Variants in SCN1A observed in about 807,000 individuals in gnomAD.
The protein encoded by SCN1A is sodium voltage-gated channel alpha subunit 1.
A neutral mutation model predicts 193.7 loss-of-function variants in SCN1A; 13 were observed. That is an observed-to-expected ratio of 0.07 (90% CI 0.04 to 0.11). The LOEUF is 0.11. SCN1A is among the 10% of genes least tolerant of loss of function. The pLI is 1.00. For synonymous variants in SCN1A, 781 were observed against 843.6 expected (o/e 0.93, Z 1.29); for missense variants, 1,432 against 2,451.1 (o/e 0.58, Z 8.78).
At chr2:166,125,447 C>T (rs887885057) in intron 2 of SCN1A, among the ~76,000 whole-genome samples, 6 of 152,178 alleles carry the variant, frequency 3.9e-5, no homozygotes, top group African/African-American at 1.2e-4. Flanking sequence ...CTGTCAGGCT[C>T]ACACCGACAT....
intron 2 of SCN1A, among the ~76,000 whole-genome samples, chr2:166,105,129 T>C (rs1379528870): frequency 1.3e-5 from 2 of 152,244 alleles, no homozygotes; most frequent in African/African-American, 4.8e-5. Flanking sequence ...TTGCTTGCTG[T>C]ACCTGGACCT....
intron 6 of SCN1A, among the ~76,000 whole-genome samples, chr2:166,056,132 T>C (rs1699104784): frequency 6.6e-6 from 1 of 152,048 alleles, no homozygotes; most frequent in African/African-American, 2.4e-5. Context: ...GCAATTGCTT[T>C]GACCACATTT....
chr2:165,986,949 A>G lies in SCN1A; in HGVS notation c.*4296T>C, dbSNP rs1210710785. The G allele has an allele frequency of 1.3e-5, 2 of 152,144 alleles. No homozygotes were observed. Among genetic ancestry groups the G allele is most frequent in the Admixed American group, 6.5e-5 (1 of 15,272 alleles). 9.4% of individuals were successfully genotyped at this position (152,144 alleles called of 1,614,324 possible). On this transcript the variant is annotated 3_prime_UTR_variant, in exon 29 of 29. Transcript: ENST00000674923. ...CAAAATTAGGAAAATTAACACTATT[A>G]TAATACTAATAACTAATAAACAGTC...
In SCN1A at chr2:165,996,038, G is replaced by A. The variant is rs372425457; in HGVS notation, c.4556C>T (p.Pro1519Leu). ...NAMKKLGSKK[P>L]QKPIPRPGNK... Reference sequence around the variant, plus strand: ...TCCTGGTCGAGGTATAGGCTTTTGCGGTTTTTTCGATCCTAATTTTTTCAT... The same window carrying A: ...TCCTGGTCGAGGTATAGGCTTTTGCAGTTTTTTCGATCCTAATTTTTTCAT... Residue 1519 changes from proline (P) to leucine (L), a missense_variant, in exon 27 of 29, where the codon CCG becomes CTG. Pro to Leu is a moderately conservative substitution (Grantham distance 98, BLOSUM62 -3). Transcript: ENST00000674923. 2.9e-5 allele frequency: 46 copies of A among 1,607,844 alleles called. No individual in the cohort carries two copies. In the Admixed American group the frequency reaches 5.9e-4, roughly 20 times the overall value.
chr2:166,028,510 C>A (rs1338851828), intron 19 of SCN1A, among the ~76,000 whole-genome samples: 1 of 152,100 alleles, frequency 6.6e-6, no homozygotes, highest in African/African-American at 2.4e-5. Flanking sequence ...ATCAGAGAAA[C>A]TTGAGTTTGA....
At chr2:166,043,129 T>C (rs1220301439) in intron 14 of SCN1A, among the ~76,000 whole-genome samples, 2 of 152,236 alleles carry the variant, frequency 1.3e-5, no homozygotes, top group Non-Finnish European at 2.9e-5. Context: ...TTTATCTGTC[T>C]GTATTAATAA....
chr2:166,039,499 A>T lies in SCN1A; in HGVS notation c.2513T>A (p.Phe838Tyr). The T allele has an allele frequency of 6.2e-7, 1 of 1,614,022 alleles. No homozygotes were observed. The highest frequency in any genetic ancestry group is 8.5e-7 in the Non-Finnish European group (1 of 1,179,966). The change falls in exon 17 of 29, where the codon TTT becomes TAT. Residue 838 changes from phenylalanine (F) to tyrosine (Y), a missense_variant. By Grantham distance (22) the Phe-to-Tyr change is conservative. Around this residue, in one of 18 missense-constraint regions of SCN1A, gnomAD observed 93 missense variants for 260.4 expected, o/e 0.36. Coordinates refer to ENST00000674923, the MANE Select transcript of SCN1A (RefSeq NM_001165963.4). Reference protein sequence around the residue: ...FQEGWNIFDGFIVTLSLVELG... With the variant: ...FQEGWNIFDGYIVTLSLVELG... ...TTCTACCAGGCTAAGCGTCACAATA[A>T]AACCGTCAAAGATATTCCAGCCTTC... is the stretch of plus-strand genomic sequence containing the variant.
At chr2:166,102,669 A>C (rs1190229980) in intron 2 of SCN1A, among the ~76,000 whole-genome samples, 1 of 152,128 alleles carries the variant, frequency 6.6e-6, no homozygotes, top group African/African-American at 2.4e-5. Flanking sequence ...AAACAGAACT[A>C]CCATTTGACC....
At chr2:166,031,576 G>A (rs558324576) in intron 19 of SCN1A, among the ~76,000 whole-genome samples, 109 of 152,048 alleles carry the variant, frequency 7.2e-4, no homozygotes, top group African/African-American at 2.5e-3. Context: ...ACCATCCCCA[G>A]ATAAACTTAT....
chr2:166,045,055 G>T lies in SCN1A; in HGVS notation c.1650C>A (p.Ser550=). 6.2e-7 allele frequency: 1 copy of T among 1,614,066 alleles called. No individual in the cohort carries two copies. Among genetic ancestry groups the T allele is most frequent in the Non-Finnish European group, 8.5e-7 (1 of 1,179,976 alleles). The part of the protein sequence containing the change: ...GNRLTYEKRY[S]SPHQSLLSIR... ...AGCAGTGCCATACCTGGTGTGGGGAGGAGTACCTCTTTTCATATGTCAATC... is the reference window on the plus strand; with the variant it reads ...AGCAGTGCCATACCTGGTGTGGGGATGAGTACCTCTTTTCATATGTCAATC... The change falls in exon 13 of 29, where the codon TCC becomes TCA. Residue 550 remains serine, a synonymous_variant. Coordinates refer to ENST00000674923, the MANE Select transcript of SCN1A (RefSeq NM_001165963.4).
At chr2:166,139,014 G>T (rs1691975104) in intron 1 of SCN1A, among the ~76,000 whole-genome samples, 1 of 152,128 alleles carries the variant, frequency 6.6e-6, no homozygotes. Context: ...CTTGCACAGG[G>T]TCTGTAGTTC....
chr2:166,026,894 A>G (rs896644680), intron 19 of SCN1A, among the ~76,000 whole-genome samples: 2 of 152,000 alleles, frequency 1.3e-5, no homozygotes, highest in African/African-American at 2.4e-5. Flanking sequence ...CGTGTTAGCC[A>G]GGGTGGTCTC....
At chr2:166,087,163 T>A (rs1438540376) in intron 2 of SCN1A, among the ~76,000 whole-genome samples, 4 of 148,104 alleles carry the variant, frequency 2.7e-5, no homozygotes, top group Non-Finnish European at 4.5e-5. Flanking sequence ...TGAGAACTGG[T>A]TGAAAAAAAA....
chr2:166,134,096 G>C (rs2106291072), intron 1 of SCN1A, among the ~76,000 whole-genome samples: 1 of 152,176 alleles, frequency 6.6e-6, no homozygotes, highest in Non-Finnish European at 1.5e-5. Flanking sequence ...TCATAAAAAA[G>C]AATGTCAATT....
At chr2:166,012,426 TCGCAAAGG>T in intron 21 of SCN1A, 144 bp from the exon 22 acceptor site, 1 of 635,482 alleles carries the variant, frequency 1.6e-6, no homozygotes, top group Non-Finnish European at 2.7e-6. Context: ...TTTTTTTTCC[TCGCAAAGG>T]TCTTTTACTT....
At chr2:166,086,061 C>T (rs895296948) in intron 2 of SCN1A, among the ~76,000 whole-genome samples, 2 of 152,048 alleles carry the variant, frequency 1.3e-5, no homozygotes, top group African/African-American at 2.4e-5. Flanking sequence ...AAATTCTAAG[C>T]CCCCTGACTG....
intron 3 of SCN1A, among the ~76,000 whole-genome samples, chr2:166,075,604 C>A (rs1364181627): frequency 1.3e-5 from 2 of 151,920 alleles, no homozygotes; most frequent in Non-Finnish European, 2.9e-5. Context: ...TGTTTCCAAT[C>A]TTTAGCTAAT....
intron 4 of SCN1A, among the ~76,000 whole-genome samples, chr2:166,067,082 T>TA (rs1574339285): frequency 6.6e-6 from 1 of 152,010 alleles, no homozygotes; most frequent in Non-Finnish European, 1.5e-5. Flanking sequence ...GCCATTTCCT[T>TA]ATAGAGGCAC....
intron 24 of SCN1A, among the ~76,000 whole-genome samples, chr2:166,001,243 C>T (rs1292248237): frequency 6.6e-6 from 1 of 151,700 alleles, no homozygotes. Context: ...CAGCTTTGGC[C>T]TCCCAAAGAG....
Sources: gnomAD v4.1 joint callset for allele counts (sites outside exome capture counted in the v4.1 genomes callset) on GRCh38, gnomAD v4.1.1 for gene constraint, gnomAD v4.1.1 regional missense constraint, MANE v1.5 for transcripts, NCBI Gene and HGNC (gene_info 2026-07-23, HGNC 2026-07-21) for gene names.